MYO16: variants seen among roughly 807,000 people sequenced by gnomAD.
The protein encoded by MYO16 is myosin XVI.
MYO16 carries 94 observed loss-of-function variants against 205.3 expected under a neutral mutation model. The observed-to-expected ratio is 0.46, with a 90% CI of 0.39 to 0.54. MYO16 has a LOEUF of 0.54. Among genes scored for constraint, MYO16 ranks in the 20% least tolerant of loss-of-function variants. The pLI is 0.00. For missense variants in MYO16, 2,315 were observed against 2,387.5 expected (o/e 0.97, Z 0.63); for synonymous variants, 988 against 954.0 (o/e 1.04, Z -0.66).
chr13:109,151,997 C>A (rs1287803683), intron 32 of MYO16, among the ~76,000 whole-genome samples: 1 of 152,190 alleles, frequency 6.6e-6, no homozygotes, highest in Non-Finnish European at 1.5e-5. Flanking sequence ...GTGCAAACAA[C>A]CAACTTAAAG....
intron 21 of MYO16, among the ~76,000 whole-genome samples, chr13:109,007,366 C>T (rs375377972): frequency 7.0e-4 from 104 of 148,412 alleles, no homozygotes; most frequent in African/African-American, 1.8e-3. Context: ...CCAGCCTGGG[C>T]GACAGGGCGA....
chr13:109,079,621 G>T (rs1238714460), intron 27 of MYO16, among the ~76,000 whole-genome samples: 1 of 152,070 alleles, frequency 6.6e-6, no homozygotes, highest in Non-Finnish European at 1.5e-5. Flanking sequence ...GGGACACGGG[G>T]CATGAGTGGA....
intron 28 of MYO16, 151 bp downstream of exon 28, chr13:109,101,038 T>C (rs1888948987): frequency 1.6e-6 from 1 of 628,978 alleles, no homozygotes; most frequent in East Asian, 2.8e-5. Flanking sequence ...CCCTGGAAAT[T>C]TGTCATTCTT....
Position 108,913,648 on chromosome 13 carries a change from G to T in MYO16, c.1925+3498G>T, listed in dbSNP as rs1594391219. 2.6e-5 allele frequency among the ~76,000 whole-genome samples: 4 copies of T among 152,282 alleles called. No homozygotes were observed. The Middle Eastern group carries it at 0.014, about 518-fold the overall frequency. ...TTAAAATTGGTACCCATAGGTAAAG[G>T]ATATTGCTATTTGTAAAATGCTCAA... On this transcript the variant is annotated intron_variant, in intron 16 of 34. Coordinates refer to ENST00000457511, the MANE Select transcript of MYO16 (RefSeq NM_001198950.3).
intron 1 of MYO16, among the ~76,000 whole-genome samples, chr13:108,647,242 A>G (rs1880793804): frequency 2.0e-5 from 3 of 151,612 alleles, no homozygotes; most frequent in Admixed American, 1.3e-4. Context: ...CCGGCATTGC[A>G]TTTTTTTTGT....
chr13:108,980,302 A>T (rs978983824), intron 20 of MYO16, among the ~76,000 whole-genome samples: 2 of 152,204 alleles, frequency 1.3e-5, no homozygotes, highest in African/African-American at 2.4e-5. Context: ...TATATTTTAT[A>T]TAAAGGAAAA....
the MYO16 span, among the ~76,000 whole-genome samples, chr13:108,528,981 T>C: frequency 0.15 from 22,055 of 151,720 alleles, 1,959 homozygotes; most frequent in Non-Finnish European, 0.2. Context: ...CCCAGAAAAC[T>C]GCATACTCCT....
intron 1 of MYO16, among the ~76,000 whole-genome samples, chr13:108,651,869 A>G (rs1165580041): frequency 2.0e-5 from 3 of 152,314 alleles, no homozygotes; most frequent in Non-Finnish European, 2.9e-5. Flanking sequence ...TTATTGCTCT[A>G]TAAAGAGGGA....
intron 4 of MYO16, among the ~76,000 whole-genome samples, chr13:108,734,599 C>G (rs1016534932): frequency 1.3e-5 from 2 of 152,218 alleles, no homozygotes; most frequent in Admixed American, 1.3e-4. Context: ...CTTACAGGAT[C>G]TCCAGGGAAA....
the MYO16 span, among the ~76,000 whole-genome samples, chr13:108,499,814 C>G: frequency 6.6e-6 from 1 of 152,074 alleles, no homozygotes; most frequent in Non-Finnish European, 1.5e-5. Context: ...TGTTAAGTGA[C>G]TTGTTCTTTG....
At chr13:108,760,954 C>T (rs1175069654) in intron 4 of MYO16, among the ~76,000 whole-genome samples, 1 of 152,180 alleles carries the variant, frequency 6.6e-6, no homozygotes, top group Non-Finnish European at 1.5e-5. Context: ...AATAATTTCA[C>T]CTAATATAAT....
intron 1 of MYO16, among the ~76,000 whole-genome samples, chr13:108,621,016 CTGTT>C (rs1268404130): frequency 6.6e-6 from 1 of 152,136 alleles, no homozygotes; most frequent in Non-Finnish European, 1.5e-5. Flanking sequence ...CCAAACATTT[CTGTT>C]TATTTCTTGA....
intron 15 of MYO16, among the ~76,000 whole-genome samples, chr13:108,908,220 C>G (rs76794684): frequency 0.025 from 3,874 of 152,248 alleles, 230 homozygotes; most frequent in East Asian, 0.17. Flanking sequence ...TTACCATCAC[C>G]TTTGGGCTTT....
intron 1 of MYO16, among the ~76,000 whole-genome samples, chr13:108,602,146 T>C (rs1158494528): frequency 6.7e-6 from 1 of 148,718 alleles, no homozygotes; most frequent in Non-Finnish European, 1.5e-5. Flanking sequence ...ATTCCATCAC[T>C]GGACACCAGG....
At position 108,845,156 on chromosome 13, in the gene MYO16, T is replaced by G. The variant is rs1297869161; in HGVS notation, c.1248+663T>G. Among the ~76,000 whole-genome samples, 4 of 152,360 alleles carry G rather than the reference T, an allele frequency of 2.6e-5. No individual in the cohort carries two copies. In the East Asian group the frequency reaches 5.8e-4, roughly 22 times the overall value. The stretch of plus-strand genomic sequence containing the variant: ...TAGCTTTCTTCAGTGTATCTAATTT[T>G]TAATATTTTATAGATATTTTAGCCA... On this transcript the variant is annotated intron_variant, in intron 10 of 34. Coordinates refer to ENST00000457511, the MANE Select transcript of MYO16 (RefSeq NM_001198950.3).
the MYO16 span, among the ~76,000 whole-genome samples, chr13:108,520,849 T>G: frequency 2.0e-5 from 3 of 152,150 alleles, no homozygotes; most frequent in Non-Finnish European, 4.4e-5. Context: ...TGGATGTTGC[T>G]GATGCTTCTC....
chr13:108,789,682 T>A (rs117576282), intron 5 of MYO16, among the ~76,000 whole-genome samples: 1 of 152,294 alleles, frequency 6.6e-6, no homozygotes, highest in East Asian at 1.9e-4. Context: ...GCTCTTTTAC[T>A]TCTGTGCATC....
At chr13:108,840,720 A>G (rs933499826) in intron 9 of MYO16, among the ~76,000 whole-genome samples, 1 of 152,082 alleles carries the variant, frequency 6.6e-6, no homozygotes, top group African/African-American at 2.4e-5. Context: ...TACTTTTTGT[A>G]GAGAAGGGGC....
chr13:108,622,732 G>T (rs1254894416), intron 1 of MYO16, among the ~76,000 whole-genome samples: 1 of 152,012 alleles, frequency 6.6e-6, no homozygotes, highest in Admixed American at 6.6e-5. Flanking sequence ...GCCAAAATAG[G>T]CTAAGAGAGA....
Sources: gnomAD v4.1 joint callset for allele counts (sites outside exome capture counted in the v4.1 genomes callset) on GRCh38, gnomAD v4.1.1 for gene constraint, MANE v1.5 for transcripts, NCBI Gene and HGNC (gene_info 2026-07-23, HGNC 2026-07-21) for gene names.